The following ARAP2 variants were observed in gnomAD, a reference collection of about 807,000 sequenced individuals.
The protein encoded by ARAP2 is ArfGAP with RhoGAP domain, ankyrin repeat and PH domain 2.
In ARAP2, 148 loss-of-function variants were observed where a neutral mutation model predicts 194.5. The observed-to-expected ratio is 0.76, with a 90% CI of 0.67 to 0.87. The LOEUF (loss-of-function observed/expected upper bound fraction) is 0.87. Among genes scored for constraint, ARAP2 ranks in the 40% least tolerant of loss-of-function variants. The probability of loss-of-function intolerance (pLI) is 0.00; values close to 1 mark genes in which losing one functional copy is unlikely to be tolerated. For missense variants in ARAP2, 2,128 were observed against 1,989.7 expected (o/e 1.07, Z -1.32); for synonymous variants, 695 against 683.5 (o/e 1.02, Z -0.26).
chr4:36,167,418 A>G lies in ARAP2; in HGVS notation c.1858-371T>C, dbSNP rs138840357. The stretch of plus-strand genomic sequence containing the variant: ...TAGGTGGAAATGATACTAGGAAGTT[A>G]GCATCATTACTAGTTATGTAAAAAG... On this transcript the variant is annotated intron_variant, in intron 9 of 32. Coordinates refer to ENST00000303965, the MANE Select transcript of ARAP2 (RefSeq NM_015230.4). 1.1e-3 allele frequency among the ~76,000 whole-genome samples: 163 copies of G among 152,262 alleles called. 1 individual carries two copies. The highest frequency in any genetic ancestry group is 3.6e-3 in the African/African-American group (149 of 41,576).
At chr4:36,112,518 C>T (rs902227513) in intron 26 of ARAP2, among the ~76,000 whole-genome samples, 4 of 151,760 alleles carry the variant, frequency 2.6e-5, no homozygotes, top group South Asian at 2.1e-4. Context: ...TTAATCTTTA[C>T]GCACAAATAT....
intron 27 of ARAP2, among the ~76,000 whole-genome samples, chr4:36,099,754 T>C (rs1252523462): frequency 1.3e-5 from 2 of 152,140 alleles, no homozygotes; most frequent in African/African-American, 2.4e-5. Context: ...TCGCAGACAG[T>C]AATCTCTAAA....
chr4:36,165,236 G>T, intron 10 of ARAP2, 123 bp from the exon 11 acceptor site: 1 of 856,054 alleles, frequency 1.2e-6, no homozygotes, highest in Non-Finnish European at 1.8e-6. Flanking sequence ...TGGCTGCTAG[G>T]CAGTTCTGGG....
chr4:36,241,789 G>C (rs1175210586), intron 1 of ARAP2, among the ~76,000 whole-genome samples: 1 of 152,034 alleles, frequency 6.6e-6, no homozygotes, highest in African/African-American at 2.4e-5. Context: ...TTATATTTTA[G>C]TATTGTTTTA....
intron 27 of ARAP2, among the ~76,000 whole-genome samples, chr4:36,092,343 C>T (rs969251006): frequency 1.3e-5 from 2 of 152,152 alleles, no homozygotes; most frequent in Non-Finnish European, 2.9e-5. Flanking sequence ...GGCGCAGTGG[C>T]TCACACCTGT....
At chr4:36,039,017 A>G (rs1395620481) in intron 5 of ARAP2, among the ~76,000 whole-genome samples, 1 of 152,218 alleles carries the variant, frequency 6.6e-6, no homozygotes, top group Admixed American at 6.6e-5. Flanking sequence ...CATATTATTT[A>G]AATAATTATC....
chr4:36,116,950 TG>T, intron 25 of ARAP2, 110 bp downstream of exon 25: 1 of 581,740 alleles, frequency 1.7e-6, no homozygotes, highest in Non-Finnish European at 2.7e-6. Flanking sequence ...GTCAGTCGTT[TG>T]AACTGGAGAG....
chr4:36,202,489 T>C (rs958312639), intron 6 of ARAP2, among the ~76,000 whole-genome samples: 3 of 147,218 alleles, frequency 2.0e-5, no homozygotes, highest in Non-Finnish European at 4.5e-5. Context: ...CATCCTAAAA[T>C]GAGAAGAAAA....
chr4:36,006,695 A>G (rs1713343899), intron 10 of ARAP2: 1 of 152,180 alleles, frequency 6.6e-6, no homozygotes, highest in Non-Finnish European at 1.5e-5. Context: ...AATCTGCTCT[A>G]TATGAGAGTA....
chr4:36,092,072 A>G, intron 27 of ARAP2, 52 bp from the exon 28 acceptor site: 1 of 1,480,500 alleles, frequency 6.8e-7, no homozygotes, highest in African/African-American at 1.4e-5. Flanking sequence ...TACTTATTTG[A>G]AATACAATAC....
chr4:36,091,849 A>T (rs369446486), intron 28 of ARAP2, 32 bp downstream of exon 28: 11 of 1,550,772 alleles, frequency 7.1e-6, no homozygotes, highest in Non-Finnish European at 9.6e-6. Context: ...TACCCACACA[A>T]ATAAAAATGT....
At chr4:36,008,202 T>A (rs2109302039) in intron 9 of ARAP2, among the ~76,000 whole-genome samples, 1 of 152,252 alleles carries the variant, frequency 6.6e-6, no homozygotes, top group South Asian at 2.1e-4. Flanking sequence ...TATTCTAAAA[T>A]TTGTATGGAA....
Position 36,229,169 on chromosome 4 carries a change from A to C in ARAP2, c.318T>G (p.Leu106=). The C allele has an allele frequency of 6.2e-7, 1 of 1,614,136 alleles. No homozygotes were observed. Among genetic ancestry groups the C allele is most frequent in the East Asian group, 2.2e-5 (1 of 44,880 alleles). Residue 106 remains leucine (L), a synonymous_variant, in exon 2 of 33, where the codon CTT becomes CTG. Coordinates refer to ENST00000303965, the MANE Select transcript of ARAP2 (RefSeq NM_015230.4). ...ATGTCTGAACACTACCAGAATTGGA[A>C]AGTTCTATGCAGATATTCTGATCAG... ...PSSDQNICIE[L]SNSGSVQTSS... is the part of the protein sequence containing the mutation.
At chr4:36,063,157 AACTC>A (rs1191503173), downstream of ARAP2, among the ~76,000 whole-genome samples, 1 of 152,242 alleles carries the variant, frequency 6.6e-6, no homozygotes, top group African/African-American at 2.4e-5. Context: ...TTTCTTAACT[AACTC>A]TGTGATTAAA....
intron 6 of ARAP2, among the ~76,000 whole-genome samples, chr4:36,208,651 A>G (rs564787062): frequency 1.3e-5 from 2 of 152,334 alleles, no homozygotes; most frequent in African/African-American, 4.8e-5. Flanking sequence ...CCTAATTAGG[A>G]AAGGAAAAAT....
At chr4:36,171,736 T>G (rs1425295808) in intron 9 of ARAP2, among the ~76,000 whole-genome samples, 2 of 152,152 alleles carry the variant, frequency 1.3e-5, no homozygotes, top group East Asian at 3.9e-4. Flanking sequence ...ACTAGCTAGC[T>G]CTTGTTATTA....
At chr4:36,034,873 T>A (rs1242529646) in intron 5 of ARAP2, among the ~76,000 whole-genome samples, 3 of 152,150 alleles carry the variant, frequency 2.0e-5, no homozygotes, top group African/African-American at 7.2e-5. Flanking sequence ...TTAGTTCTTT[T>A]TGAGTGATGA....
intron 27 of ARAP2, among the ~76,000 whole-genome samples, chr4:36,096,589 A>G (rs1330849420): frequency 6.6e-6 from 1 of 152,134 alleles, no homozygotes; most frequent in East Asian, 1.9e-4. Context: ...CACATTACTG[A>G]TCCTAACCAT....
At chr4:36,202,256 C>T (rs757959842) in intron 6 of ARAP2, among the ~76,000 whole-genome samples, 8 of 152,064 alleles carry the variant, frequency 5.3e-5, no homozygotes, top group South Asian at 4.2e-4. Context: ...GACTTTTAAA[C>T]GATACAGTAA....
Sources: gnomAD v4.1 joint callset for allele counts (sites outside exome capture counted in the v4.1 genomes callset) on GRCh38, gnomAD v4.1.1 for gene constraint, MANE v1.5 for transcripts, NCBI Gene and HGNC (gene_info 2026-07-23, HGNC 2026-07-21) for gene names.